COL18A1: variants seen among roughly 807,000 people sequenced by gnomAD.
COL18A1 encodes collagen type XVIII alpha 1 chain, also known as collagen alpha-1(XVIII) chain.
COL18A1 carries 133 observed loss-of-function variants against 168.0 expected under a neutral mutation model. The observed-to-expected ratio is 0.79, with a 90% CI of 0.69 to 0.91. COL18A1 has a LOEUF of 0.91. COL18A1 is among the 40% of genes least tolerant of loss of function. The probability of loss-of-function intolerance (pLI) is 0.00; values close to 1 mark genes in which losing one functional copy is unlikely to be tolerated. For missense variants in COL18A1, 2,126 were observed against 1,925.4 expected, an observed-to-expected ratio of 1.10 and a Z score of -1.95; for synonymous variants, 949 against 809.0, an observed-to-expected ratio of 1.17 and a Z score of -2.94.
In COL18A1 at chr21:45,493,506, GA is replaced by G; in HGVS notation, c.2285del (p.Lys762ArgfsTer55). 1 of 1,560,070 alleles carries G rather than the reference GA, an allele frequency of 6.4e-7. No individual in the cohort carries two copies. The stretch of plus-strand genomic sequence containing the variant: ...TGGACCTCCTGCCATTCCAGGGTGA[GA>G]AGGGTGAACCGGGCAGCATCTTCAG... ...ERGSPGPKGE[K>X]GEPGSIFSPD... On this transcript the variant is annotated frameshift_variant, in exon 26 of 42. Coordinates refer to ENST00000651438, the MANE Select transcript of COL18A1 (RefSeq NM_001379500.1). LOFTEE classifies it high-confidence loss of function.
At chr21:45,468,893 C>A in intron 3 of COL18A1, 107 bp downstream of exon 3, 1 of 1,214,308 alleles carries the variant, frequency 8.2e-7, no homozygotes, top group Non-Finnish European at 1.1e-6. Context: ...AGGAGAGCCC[C>A]CACCCCAGCT....
chr21:45,502,811 G>A (rs908531590), intron 32 of COL18A1: 2 of 152,236 alleles, frequency 1.3e-5, no homozygotes, highest in African/African-American at 4.8e-5. Context: ...GAGATGGGAA[G>A]GGCAGGACGC....
intron 2 of COL18A1, among the ~76,000 whole-genome samples, chr21:45,452,945 TG>T (rs1206787044): frequency 1.3e-5 from 2 of 151,804 alleles, no homozygotes; most frequent in African/African-American, 4.8e-5. Flanking sequence ...CATGTGAGCA[TG>T]TATGTACATG....
At chr21:45,488,862 C>T (rs990810165) in intron 18 of COL18A1, among the ~76,000 whole-genome samples, 1 of 152,088 alleles carries the variant, frequency 6.6e-6, no homozygotes, top group Admixed American at 6.5e-5. Context: ...TCTGCTCCCC[C>T]CATCCCTGGG....
intron 20 of COL18A1, 45 bp from the exon 21 acceptor site, chr21:45,490,791 T>A: frequency 6.5e-7 from 1 of 1,543,288 alleles, no homozygotes; most frequent in Non-Finnish European, 8.8e-7. Context: ...GGCCAGGGGC[T>A]CCTGTTTCTG....
Position 45,505,213 on chromosome 21 carries a change from G to T in COL18A1, c.2948G>T (p.Arg983Leu). 1 of 1,600,036 alleles carries T rather than the reference G, an allele frequency of 6.2e-7. No individual in the cohort carries two copies. Among genetic ancestry groups the T allele is most frequent in the Non-Finnish European group, 8.5e-7 (1 of 1,173,308 alleles). ...QGPPGIGYEG[R>L]QGPPGPPGPP... ...CCCCCCGGCATCGGCTACGAGGGGC[G>T]CCAGGGCCCTCCCGGCCCCCCAGGC... The change falls in exon 35 of 42, where the codon CGC becomes CTC. Residue 983 changes from arginine (R) to leucine (L), a missense_variant. Transcript: ENST00000651438.
intron 19 of COL18A1, 38 bp from the exon 20 acceptor site, chr21:45,490,237 G>T (rs758579234): frequency 1.3e-6 from 2 of 1,533,576 alleles, no homozygotes; most frequent in Admixed American, 1.9e-5. Flanking sequence ...TCCTGGGCGT[G>T]TGGCCAATGC....
At chr21:45,501,933 C>G (rs558903543) in intron 32 of COL18A1, among the ~76,000 whole-genome samples, 1 of 102,954 alleles carries the variant, frequency 9.7e-6, no homozygotes, top group African/African-American at 4.0e-5. Flanking sequence ...TCACCTCCCT[C>G]TGCAGAAGGA....
Position 45,497,672 on chromosome 21 carries a change from C to A in COL18A1, c.2683+11C>A. 1 of 1,562,670 alleles carries A rather than the reference C, an allele frequency of 6.4e-7. No homozygotes were observed. Among genetic ancestry groups the A allele is most frequent in the Admixed American group, 1.9e-5 (1 of 52,626 alleles). On this transcript the variant is annotated intron_variant, in intron 32 of 41. Transcript: ENST00000651438. ...CCCCCGGACCACCAGGTGAGCAACTCTGGACATCCCAGGCAGGAGAGCCAT... is the reference window on the plus strand; with the variant it reads ...CCCCCGGACCACCAGGTGAGCAACTATGGACATCCCAGGCAGGAGAGCCAT...
chr21:45,422,617 C>A (rs976464774), intron 2 of COL18A1: 4 of 388,938 alleles, frequency 1.0e-5, no homozygotes, highest in African/African-American at 2.1e-5. Flanking sequence ...GGCACGGGCT[C>A]TCCCAGCCGT....
At chr21:45,464,745 G>A (rs2145879311) in intron 2 of COL18A1, among the ~76,000 whole-genome samples, 1 of 152,276 alleles carries the variant, frequency 6.6e-6, no homozygotes, top group Admixed American at 6.5e-5. Flanking sequence ...AAAGCCAACG[G>A]TGTTGGACAA....
intron 2 of COL18A1, among the ~76,000 whole-genome samples, chr21:45,433,470 C>T (rs992696215): frequency 3.9e-5 from 6 of 152,018 alleles, no homozygotes; most frequent in Admixed American, 3.9e-4. Context: ...CACAGAGCAC[C>T]AAGAAAATAC....
At chr21:45,504,390 C>G in intron 33 of COL18A1, 26 bp from the exon 34 acceptor site, 1 of 1,606,610 alleles carries the variant, frequency 6.2e-7, no homozygotes, top group African/African-American at 1.3e-5. Context: ...TCAGGGCTCC[C>G]GTGTAACAAG....
chr21:45,497,658 C>A lies in COL18A1; in HGVS notation c.2680C>A (p.Pro894Thr). The change falls in exon 32 of 42, where the codon CCA (proline) becomes ACA (threonine). Residue 894 changes from proline (P) to threonine (T), a missense_variant. Physicochemically the swap from Pro to Thr is conservative, Grantham distance 38. Transcript: ENST00000651438. ...AGGAGAAGTGGGCCCCCCCGGACCA[C>A]CAGGTGAGCAACTCTGGACATCCCA... ...AKGEVGPPGP[P>T]GQFPFDFLQL... The A allele has an allele frequency of 6.4e-7, 1 of 1,566,476 alleles. No individual in the cohort carries two copies.
chr21:45,460,742 T>C (rs2035012816), intron 2 of COL18A1, among the ~76,000 whole-genome samples: 1 of 152,206 alleles, frequency 6.6e-6, no homozygotes, highest in Non-Finnish European at 1.5e-5. Flanking sequence ...CTCATGCTTA[T>C]CTCTCACCGC....
chr21:45,491,703 C>A (rs553513934), intron 22 of COL18A1, among the ~76,000 whole-genome samples: 2 of 152,226 alleles, frequency 1.3e-5, no homozygotes, highest in African/African-American at 2.4e-5. Context: ...GGTTCCGGAA[C>A]CTTCCTCCCC....
rs1473613353 is a variant in COL18A1 at position 45,462,436 on chromosome 21, C to T, written c.107-5806C>T. Among the ~76,000 whole-genome samples, 8 of 152,254 alleles carry T rather than the reference C, an allele frequency of 5.3e-5. No individual in the cohort carries two copies. In the South Asian group the frequency reaches 1.7e-3, roughly 32 times the overall value. On this transcript the variant is annotated intron_variant, in intron 2 of 41. Transcript: ENST00000651438. Reference sequence around the variant, plus strand: ...TGATGGTGGCCACAAGCCCCTTAGGCTCTTTTCACCTTTCTTTCATCTTTT... The same window carrying T: ...TGATGGTGGCCACAAGCCCCTTAGGTTCTTTTCACCTTTCTTTCATCTTTT...
At chr21:45,503,462 AATG>A (rs972573763) in intron 32 of COL18A1, among the ~76,000 whole-genome samples, 102 of 152,258 alleles carry the variant, frequency 6.7e-4, no homozygotes, top group Non-Finnish European at 9.4e-4. Flanking sequence ...AGCCATAAAA[AATG>A]ATGAGTTCAT....
intron 2 of COL18A1, among the ~76,000 whole-genome samples, chr21:45,414,792 T>C (rs2123516974): frequency 1.3e-5 from 2 of 152,366 alleles, no homozygotes; most frequent in Non-Finnish European, 2.9e-5. Flanking sequence ...GGCCGAATAC[T>C]GACCCCGAGC....
Sources: gnomAD v4.1 joint callset for allele counts (sites outside exome capture counted in the v4.1 genomes callset) on GRCh38, gnomAD v4.1.1 for gene constraint, MANE v1.5 for transcripts, NCBI Gene and HGNC (gene_info 2026-07-23, HGNC 2026-07-21) for gene names.